Variants in JADE3 observed in about 807,000 individuals in gnomAD.
JADE3 encodes jade family PHD finger 3.
JADE3 carries 2 observed loss-of-function variants against 50.1 expected under a neutral mutation model. The observed-to-expected ratio is 0.04, with a 90% CI of 0.02 to 0.13. The LOEUF is 0.13. JADE3 is among the 10% of genes least tolerant of loss of function. The pLI, the probability that JADE3 is intolerant of heterozygous loss-of-function variation, is 1.00. For missense variants in JADE3, 475 were observed against 634.4 expected (o/e 0.75, Z 2.70); for synonymous variants, 218 against 232.9 (o/e 0.94, Z 0.58).
At chrX:46,985,916 G>T in intron 3 of JADE3, 124 bp downstream of exon 3, 1 of 498,111 alleles carries the variant, frequency 2.0e-6, no homozygotes, top group South Asian at 3.1e-5. Flanking sequence ...TTTGGATCAT[G>T]GGAATATATC....
At chrX:46,953,178 G>A (rs1244133853) in intron 1 of JADE3, among the ~76,000 whole-genome samples, 1 of 110,211 alleles carries the variant, frequency 9.1e-6, no homozygotes, top group African/African-American at 3.3e-5. Flanking sequence ...GGGAGAAAAA[G>A]GAGAGAAAAA....
intron 4 of JADE3, among the ~76,000 whole-genome samples, chrX:47,014,274 G>T (rs1205109146): frequency 8.9e-6 from 1 of 112,063 alleles, no homozygotes; most frequent in Non-Finnish European, 1.9e-5. Flanking sequence ...GATGTCTGTG[G>T]TGTTGGCTGT....
intron 1 of JADE3, among the ~76,000 whole-genome samples, chrX:46,928,331 A>G (rs1311097477): frequency 2.7e-5 from 3 of 111,258 alleles, no homozygotes; most frequent in Admixed American, 1.9e-4. Flanking sequence ...CCTACTACAT[A>G]TTTCCTCATT....
At chrX:46,980,175 C>T (rs1455929821) in intron 1 of JADE3, among the ~76,000 whole-genome samples, 3 of 110,684 alleles carry the variant, frequency 2.7e-5, no homozygotes, top group Non-Finnish European at 3.8e-5. Flanking sequence ...CCACCATGCC[C>T]GGCCCATCTC....
intron 4 of JADE3, among the ~76,000 whole-genome samples, chrX:47,004,679 C>G (rs1284195537): frequency 8.9e-6 from 1 of 112,483 alleles, no homozygotes; most frequent in Non-Finnish European, 1.9e-5. Flanking sequence ...GTGATCCTCC[C>G]GCCTCAGCCT....
intron 1 of JADE3, among the ~76,000 whole-genome samples, chrX:46,981,766 A>G (rs968215442): frequency 4.5e-5 from 5 of 112,285 alleles, no homozygotes; most frequent in African/African-American, 1.6e-4. Flanking sequence ...TAATATATTC[A>G]CAGATATGTG....
At position 47,024,934 on chromosome X, in the gene JADE3, G is replaced by C; in HGVS notation, c.475+20G>C. ...AAATGGGTAAGTTCTTTTCTCACAA[G>C]TAAGTTGTGACTTAATTCATGTTTT... On this transcript the variant is annotated intron_variant, in intron 5 of 10. Coordinates refer to ENST00000614628, the MANE Select transcript of JADE3 (RefSeq NM_014735.5). 2.0e-6 allele frequency: 2 copies of C among 987,105 alleles called. No homozygotes were observed. Among genetic ancestry groups the C allele is most frequent in the Non-Finnish European group, 2.8e-6 (2 of 711,829 alleles). 81.3% of individuals were successfully genotyped at this position (987,105 alleles called of 1,213,427 possible). A position where few individuals can be genotyped will look rare whatever the true frequency, so the allele number is the denominator to read the frequency against.
intron 8 of JADE3, among the ~76,000 whole-genome samples, chrX:47,049,888 A>G (rs1448873039): frequency 1.9e-5 from 2 of 106,756 alleles, no homozygotes; most frequent in Non-Finnish European, 3.8e-5. Flanking sequence ...CAGCCTCCCA[A>G]GTAGCTGGGA....
chrX:47,009,975 C>CAA lies in JADE3; in HGVS notation c.284+11709_284+11710dup, dbSNP rs35960958. ...AAAAGATTTTTTTGGCCGGGCATCT[C>CAA]AAAAAAAAAAAAGATTTTTTCACTT... On this transcript the variant is annotated intron_variant, in intron 4 of 10. Transcript: ENST00000614628. Among the ~76,000 whole-genome samples, 387 of 97,124 alleles carry CAA rather than the reference C, an allele frequency of 4.0e-3. 2 individuals are homozygous for CAA. The highest frequency in any genetic ancestry group is 0.013 in the African/African-American group (351 of 27,428). The allele number at this position is 97,124 out of a possible 115,157, so 84.3% of individuals were successfully genotyped here.
At chrX:46,996,640 A>G (rs1556357462) in intron 3 of JADE3, among the ~76,000 whole-genome samples, 1 of 111,634 alleles carries the variant, frequency 9.0e-6, no homozygotes, top group African/African-American at 3.3e-5. Flanking sequence ...TTGTGGATCA[A>G]TGAATCACTC....
At chrX:46,926,853 C>T (rs917274318) in intron 1 of JADE3, among the ~76,000 whole-genome samples, 10 of 112,264 alleles carry the variant, frequency 8.9e-5, no homozygotes, top group African/African-American at 2.9e-4. Context: ...CTTTTTATTG[C>T]TGAGTAGTAT....
In JADE3 at chrX:47,038,929, T is replaced by C. The variant is rs782089194; in HGVS notation, c.856-20T>C. 1 of 931,926 alleles carries C rather than the reference T, an allele frequency of 1.1e-6. No homozygotes were observed. The highest frequency in any genetic ancestry group is 2.3e-5 in the Admixed American group (1 of 43,855). 76.8% of individuals were successfully genotyped at this position (931,926 alleles called of 1,213,427 possible). ...GGGATGCCTTGGTACTTCTGCCTTA[T>C]GGTGGTATTTTATTTGTAGGTCAGC... On this transcript the variant is annotated intron_variant, in intron 7 of 10. Coordinates refer to ENST00000614628, the MANE Select transcript of JADE3 (RefSeq NM_014735.5).
chrX:46,976,339 G>A (rs782461091), intron 1 of JADE3, among the ~76,000 whole-genome samples: 4 of 111,821 alleles, frequency 3.6e-5, no homozygotes, highest in Non-Finnish European at 7.5e-5. Flanking sequence ...ATCCCAGTTG[G>A]GTTGACTTCC....
chrX:47,047,614 A>T (rs1929406074), intron 8 of JADE3, among the ~76,000 whole-genome samples: 1 of 111,742 alleles, frequency 8.9e-6, no homozygotes, highest in Non-Finnish European at 1.9e-5. Context: ...GGGTGGCAGT[A>T]ATAAGAAAGG....
intron 1 of JADE3, among the ~76,000 whole-genome samples, chrX:46,924,427 C>T (rs1008129384): frequency 5.3e-5 from 6 of 112,198 alleles, no homozygotes; most frequent in Non-Finnish European, 1.1e-4. Flanking sequence ...AGTGGTTTGT[C>T]CTAGGACCTC....
rs144778490 is a variant in JADE3, at chrX:46,947,662, A to G, written c.-12+34943A>G. ...AGCTTTTTTGGCTCCTATATAGGCA[A>G]TATCAGGGTTTGTCCCCTTAGCTGT... On this transcript the variant is annotated intron_variant, in intron 1 of 10. Transcript: ENST00000614628. Among the ~76,000 whole-genome samples, 362 of 111,370 alleles carry G rather than the reference A, an allele frequency of 3.3e-3. 3 individuals are homozygous for G. Among genetic ancestry groups the G allele is most frequent in the East Asian group, 0.028 (98 of 3,541 alleles).
intron 1 of JADE3, among the ~76,000 whole-genome samples, chrX:46,980,788 G>A (rs1411137039): frequency 9.0e-6 from 1 of 111,080 alleles, no homozygotes; most frequent in Non-Finnish European, 1.9e-5. Context: ...ATTAGGTTGT[G>A]GTAGGCAGAG....
intron 1 of JADE3, among the ~76,000 whole-genome samples, chrX:46,927,721 T>C (rs1329911184): frequency 9.0e-6 from 1 of 111,719 alleles, no homozygotes; most frequent in Admixed American, 9.5e-5. Context: ...GAGAAACACA[T>C]TGAGGTCGGA....
chrX:46,990,475 C>A (rs781911319), intron 3 of JADE3, among the ~76,000 whole-genome samples: 6 of 110,869 alleles, frequency 5.4e-5, no homozygotes, highest in African/African-American at 1.6e-4. Context: ...CACTTTGTTG[C>A]CCCCACTGAT....
Sources: gnomAD v4.1 joint callset for allele counts (sites outside exome capture counted in the v4.1 genomes callset) on GRCh38, gnomAD v4.1.1 for gene constraint, MANE v1.5 for transcripts, NCBI Gene and HGNC (gene_info 2026-07-23, HGNC 2026-07-21) for gene names.